The following BBOX1 variants were observed in gnomAD, a reference collection of about 807,000 sequenced individuals.
BBOX1 encodes the protein gamma-butyrobetaine hydroxylase 1.
In BBOX1, 35 loss-of-function variants were observed where a neutral mutation model predicts 41.6. The ratio of observed to expected loss-of-function variants is 0.84; its 90% CI spans 0.64 to 1.11. BBOX1 has a LOEUF of 1.11. BBOX1 is among the 50% of genes most tolerant of loss of function. BBOX1 has a pLI of 0.00. For missense variants in BBOX1, 458 were observed against 460.6 expected (o/e 0.99, Z 0.05); for synonymous variants, 163 against 154.7 (o/e 1.05, Z -0.40).
At position 27,043,875 on chromosome 11, in the gene BBOX1, G is replaced by T. The variant is rs529184803; in HGVS notation, c.-39+2397G>T. Among the ~76,000 whole-genome samples, 382 of 152,206 alleles carry T rather than the reference G, an allele frequency of 2.5e-3. 3 individuals carry two copies. The highest frequency in any genetic ancestry group is 8.2e-3 in the African/African-American group (339 of 41,530). On this transcript the variant is annotated intron_variant, in intron 2 of 8. Transcript: ENST00000263182. ...GCATTTGAGTTGGTTCCAAGTCTTT[G>T]CCATTGTGAACAGTGCTGTAATAAA...
At position 27,127,610 on chromosome 11, in the gene BBOX1, A is replaced by G. The variant is rs143066667; in HGVS notation, c.*157A>G. 5 of 831,610 alleles carry G rather than the reference A, an allele frequency of 6.0e-6. No homozygotes were observed. In the African/African-American group the frequency reaches 8.7e-5, roughly 14 times the overall value. 51.5% of individuals were successfully genotyped at this position (831,610 alleles called of 1,614,324 possible). ...AGAGTACTCTTTACTTTGTAATCAT[A>G]TACAATGTCAACTTTTTAGATGTTT... On this transcript the variant is annotated 3_prime_UTR_variant, in exon 9 of 9. Transcript: ENST00000263182.
At chr11:27,085,670 C>A (rs1214404526) in intron 4 of BBOX1, among the ~76,000 whole-genome samples, 2 of 151,804 alleles carry the variant, frequency 1.3e-5, no homozygotes, top group African/African-American at 2.4e-5. Context: ...ACCTCTAAGT[C>A]TTTCAGTGAA....
chr11:27,113,760 C>A (rs77762079), intron 5 of BBOX1, among the ~76,000 whole-genome samples: 4,831 of 150,974 alleles, frequency 0.032, 123 homozygotes, highest in South Asian at 0.11. Context: ...CTGTGACATG[C>A]AATTTACCTA....
chr11:27,086,654 G>A (rs1434392215), intron 4 of BBOX1, among the ~76,000 whole-genome samples: 4 of 152,074 alleles, frequency 2.6e-5, no homozygotes, highest in Non-Finnish European at 4.4e-5. Flanking sequence ...TGCAGCCCAG[G>A]GAGCAAGGAG....
chr11:27,081,437 T>G (rs973048671), intron 4 of BBOX1, among the ~76,000 whole-genome samples: 1 of 152,172 alleles, frequency 6.6e-6, no homozygotes, highest in East Asian at 1.9e-4. Context: ...TGCCACATTT[T>G]CTTTATCCAG....
intron 4 of BBOX1, among the ~76,000 whole-genome samples, chr11:27,079,979 ATCATATGCCCT>A (rs1857780796): frequency 2.0e-5 from 3 of 152,182 alleles, no homozygotes; most frequent in Admixed American, 1.3e-4. Context: ...CACTACCAAC[ATCATATGCCCT>A]TCTTCTTCCT....
rs574493906 is a variant in BBOX1 at position 27,041,344 on chromosome 11, G to C, written c.-173G>C. 6.6e-6 allele frequency: 1 copy of C among 152,154 alleles called. No homozygotes were observed. The highest frequency in any genetic ancestry group is 2.1e-4 in the South Asian group (1 of 4,822). 9.4% of individuals were successfully genotyped at this position (152,154 alleles called of 1,614,324 possible). A position where few individuals can be genotyped will look rare whatever the true frequency, so the allele number is the denominator to read the frequency against. Reference sequence around the variant, plus strand: ...GGCAGGGCCACAGTGAAACTGCCAGGAGCAAAAAGGCTTCCAAGAAAAAGT... The same window carrying C: ...GGCAGGGCCACAGTGAAACTGCCAGCAGCAAAAAGGCTTCCAAGAAAAAGT... On this transcript the variant is annotated 5_prime_UTR_variant, in exon 2 of 9. Transcript: ENST00000263182.
At chr11:27,043,779 T>C (rs1442966867) in intron 2 of BBOX1, among the ~76,000 whole-genome samples, 1 of 119,098 alleles carries the variant, frequency 8.4e-6, no homozygotes, top group East Asian at 2.2e-4. Flanking sequence ...GAACTCATCC[T>C]TTTTTATGGC....
In BBOX1 at chr11:27,127,391, GAC is replaced by G; in HGVS notation, c.1103_1104del (p.Asp368ValfsTer46). The stretch of plus-strand genomic sequence containing the variant: ...CCGCCATCTAGAAGGAGCTTATGCT[GAC>G]TGGGATGTGGTCATGTCAAGGCTTC... The part of the protein sequence containing the change: ...ISRHLEGAYA[D>X]WDVVMSRLRI... On this transcript the variant is annotated frameshift_variant, in exon 9 of 9. Coordinates refer to ENST00000263182, the MANE Select transcript of BBOX1 (RefSeq NM_003986.3). LOFTEE classifies it high-confidence loss of function. 1.2e-6 allele frequency: 2 copies of G among 1,614,146 alleles called. No individual in the cohort carries two copies. Among genetic ancestry groups the G allele is most frequent in the South Asian group, 2.2e-5 (2 of 91,056 alleles).
At chr11:27,083,341 C>G (rs1857919258) in intron 4 of BBOX1, among the ~76,000 whole-genome samples, 1 of 152,110 alleles carries the variant, frequency 6.6e-6, no homozygotes, top group South Asian at 2.1e-4. Context: ...CCTCATAGGT[C>G]ATGAAGAACT....
intron 7 of BBOX1, among the ~76,000 whole-genome samples, chr11:27,123,904 A>G (rs1165052272): frequency 6.6e-6 from 1 of 152,198 alleles, no homozygotes; most frequent in African/African-American, 2.4e-5. Flanking sequence ...TAAGAGTCTA[A>G]GAGCCTTTTT....
At chr11:27,067,259 GTT>G (rs1266184053) in intron 4 of BBOX1, among the ~76,000 whole-genome samples, 2 of 151,958 alleles carry the variant, frequency 1.3e-5, no homozygotes, top group African/African-American at 4.8e-5. Flanking sequence ...TTTGGAGAGT[GTT>G]TTTTTATTAC....
intron 2 of BBOX1, chr11:27,047,412 C>G (rs1851519413): frequency 6.6e-6 from 1 of 152,116 alleles, no homozygotes; most frequent in Admixed American, 6.5e-5. Context: ...TAGGAGTGAT[C>G]ACTTCAATAG....
chr11:27,127,271 T>A, intron 8 of BBOX1, 22 bp from the exon 9 acceptor site: 1 of 1,611,048 alleles, frequency 6.2e-7, no homozygotes. Context: ...ATTATTCATA[T>A]TGGAAAAAAT....
chr11:27,091,784 G>A (rs990678502), intron 4 of BBOX1, among the ~76,000 whole-genome samples: 1 of 151,842 alleles, frequency 6.6e-6, no homozygotes, highest in Non-Finnish European at 1.5e-5. Flanking sequence ...CGAGGCCTGT[G>A]GAATGTGTTC....
intron 4 of BBOX1, among the ~76,000 whole-genome samples, chr11:27,089,301 A>C (rs988694267): frequency 1.3e-5 from 2 of 152,038 alleles, no homozygotes; most frequent in African/African-American, 4.8e-5. Context: ...CAGATATGGA[A>C]TATTTCCATT....
At chr11:27,051,624 T>A (rs1427926076) in intron 2 of BBOX1, among the ~76,000 whole-genome samples, 2 of 152,062 alleles carry the variant, frequency 1.3e-5, no homozygotes, top group Non-Finnish European at 2.9e-5. Flanking sequence ...TTCATAGTAG[T>A]CTCTTATGAG....
intron 3 of BBOX1, 130 bp from the exon 4 acceptor site, chr11:27,057,063 TTAAAAAAA>T (rs1245423261): frequency 4.0e-5 from 6 of 149,888 alleles, no homozygotes; most frequent in African/African-American, 6.3e-5. Flanking sequence ...AGACTCCGAC[TTAAAAAAA>T]AAAAAAAAAA....
chr11:27,096,021 T>A (rs1858426046), intron 5 of BBOX1, among the ~76,000 whole-genome samples: 1 of 151,976 alleles, frequency 6.6e-6, no homozygotes, highest in Non-Finnish European at 1.5e-5. Flanking sequence ...AGTACTGGTA[T>A]TTGGCCTGAG....
Sources: allele counts gnomAD v4.1 joint callset (sites outside exome capture counted in the v4.1 genomes callset), GRCh38; gene constraint gnomAD v4.1.1; transcripts MANE v1.5; gene names NCBI Gene and HGNC (gene_info 2026-07-23, HGNC 2026-07-21).